KCNMA1: variants seen among roughly 807,000 people sequenced by gnomAD.
KCNMA1 encodes potassium calcium-activated channel subfamily M alpha 1, also known as Calcium-activated potassium channel subunit alpha-1.
A neutral mutation model predicts 140.0 loss-of-function variants in KCNMA1; 29 were observed. That is an observed-to-expected ratio of 0.21 (90% confidence interval 0.15 to 0.28). The LOEUF (loss-of-function observed/expected upper bound fraction) is 0.28, where lower values mean the gene tolerates loss of function less well. Among genes scored for constraint, KCNMA1 ranks in the 10% least tolerant of loss-of-function variants. KCNMA1 has a pLI of 1.00. For missense variants in KCNMA1, 880 were observed against 1,602.2 expected (o/e 0.55, Z 7.70); for synonymous variants, 612 against 611.9 (o/e 1.00, Z 0.00).
At chr10:77,228,201 G>A (rs1301509741) in intron 3 of KCNMA1, among the ~76,000 whole-genome samples, 2 of 152,134 alleles carry the variant, frequency 1.3e-5, no homozygotes, top group African/African-American at 4.8e-5. Context: ...CTGACCTCAG[G>A]TGATCCACTT....
chr10:77,201,387 G>C (rs1361222565), intron 3 of KCNMA1, among the ~76,000 whole-genome samples: 1 of 152,164 alleles, frequency 6.6e-6, no homozygotes, highest in Non-Finnish European at 1.5e-5. Context: ...CTAACACAGG[G>C]AAAAAGAACC....
intron 1 of KCNMA1, among the ~76,000 whole-genome samples, chr10:77,523,682 C>CT (rs2054433490): frequency 6.6e-6 from 1 of 152,194 alleles, no homozygotes. Context: ...TATGCATATA[C>CT]TTTGTGGTGT....
intron 2 of KCNMA1, among the ~76,000 whole-genome samples, chr10:77,278,824 A>G (rs1228155571): frequency 6.6e-6 from 1 of 152,188 alleles, no homozygotes; most frequent in Non-Finnish European, 1.5e-5. Flanking sequence ...TTCAGCTACT[A>G]TTATCCATCC....
At chr10:77,481,729 C>T (rs575046894) in intron 1 of KCNMA1, among the ~76,000 whole-genome samples, 25 of 147,856 alleles carry the variant, frequency 1.7e-4, no homozygotes, top group Non-Finnish European at 3.3e-4. Context: ...GAGCCGAGAT[C>T]GCACCACTGC....
intron 1 of KCNMA1, among the ~76,000 whole-genome samples, chr10:77,541,510 G>A (rs187354426): frequency 6.6e-6 from 1 of 152,078 alleles, no homozygotes; most frequent in Non-Finnish European, 1.5e-5. Context: ...AGCAGCAGGG[G>A]CAGAAAAAGG....
At chr10:77,120,573 A>G (rs2097572440) in intron 6 of KCNMA1, among the ~76,000 whole-genome samples, 1 of 152,120 alleles carries the variant, frequency 6.6e-6, no homozygotes, top group Admixed American at 6.5e-5. Context: ...TTTCTTATTT[A>G]GTGATGTAAT....
intron 20 of KCNMA1, among the ~76,000 whole-genome samples, chr10:76,968,325 C>T (rs1345358203): frequency 6.6e-6 from 1 of 152,018 alleles, no homozygotes; most frequent in Non-Finnish European, 1.5e-5. Context: ...AAAGAAGTAC[C>T]CTTAAGCAGC....
At chr10:77,388,984 A>G (rs2095713705) in intron 2 of KCNMA1, among the ~76,000 whole-genome samples, 1 of 152,236 alleles carries the variant, frequency 6.6e-6, no homozygotes, top group Non-Finnish European at 1.5e-5. Context: ...CAAACTAGGC[A>G]CAAGGGCAGA....
At chr10:77,366,460 C>T (rs1008506709) in intron 2 of KCNMA1, among the ~76,000 whole-genome samples, 2 of 152,204 alleles carry the variant, frequency 1.3e-5, no homozygotes, top group African/African-American at 4.8e-5. Context: ...TGAGCCACCA[C>T]GCCCGGCCAC....
In KCNMA1 at chr10:76,944,998, A is replaced by G. The variant is rs938854357; in HGVS notation, c.2710-33T>C. 5 of 1,567,008 alleles carry G rather than the reference A, an allele frequency of 3.2e-6. No homozygotes were observed. In the African/African-American group the frequency reaches 6.8e-5, roughly 21 times the overall value. Reference sequence around the variant, plus strand: ...ATAGAGGAAAGAAAAAAAAACAGAGATGGGGGGAGAAAGAGACAGAGAGAG... The same window carrying G: ...ATAGAGGAAAGAAAAAAAAACAGAGGTGGGGGGAGAAAGAGACAGAGAGAG... On this transcript the variant is annotated intron_variant, in intron 22 of 27. Transcript: ENST00000286628.
chr10:77,270,534 T>G (rs1376210878), intron 2 of KCNMA1, among the ~76,000 whole-genome samples: 1 of 151,682 alleles, frequency 6.6e-6, no homozygotes, highest in Admixed American at 6.6e-5. Flanking sequence ...CTCTTTCTTT[T>G]TTTTTTTTCC....
chr10:77,581,377 C>T (rs897255743), intron 1 of KCNMA1, among the ~76,000 whole-genome samples: 4 of 151,752 alleles, frequency 2.6e-5, no homozygotes, highest in African/African-American at 9.7e-5. Flanking sequence ...GGCGTGATCT[C>T]GGCTCACTGT....
At chr10:77,352,315 A>C (rs1169697361) in intron 2 of KCNMA1, among the ~76,000 whole-genome samples, 1 of 152,208 alleles carries the variant, frequency 6.6e-6, no homozygotes, top group African/African-American at 2.4e-5. Flanking sequence ...TAAGAGGACT[A>C]CTTCACATCT....
chr10:77,588,702 C>A (rs954994069), intron 1 of KCNMA1, among the ~76,000 whole-genome samples: 1 of 152,248 alleles, frequency 6.6e-6, no homozygotes, highest in South Asian at 2.1e-4. Context: ...ATAATATTAT[C>A]TTCTTTCTGT....
chr10:76,971,802 G>A (rs2076158789), intron 19 of KCNMA1, among the ~76,000 whole-genome samples: 2 of 152,050 alleles, frequency 1.3e-5, no homozygotes, highest in South Asian at 4.2e-4. Flanking sequence ...AAGATTAAAG[G>A]AAATAAATAC....
chr10:77,334,920 T>C (rs1351997514), intron 2 of KCNMA1, among the ~76,000 whole-genome samples: 5 of 152,216 alleles, frequency 3.3e-5, no homozygotes, highest in Non-Finnish European at 7.3e-5. Context: ...TTATTTTTCT[T>C]ACTTAGTTTT....
intron 3 of KCNMA1, among the ~76,000 whole-genome samples, chr10:77,221,401 T>A (rs571423126): frequency 6.6e-6 from 1 of 152,206 alleles, no homozygotes; most frequent in African/African-American, 2.4e-5. Context: ...CTAGCTGAAA[T>A]TATATGCAAA....
Position 77,637,740 on chromosome 10 carries a change from T to TGCCGCCGCC in KCNMA1, c.-107_-99dup, listed in dbSNP as rs781056387. The TGCCGCCGCC allele has an allele frequency of 5.4e-6, 7 of 1,300,620 alleles. No homozygotes were observed. The highest frequency in any genetic ancestry group is 4.2e-5 in the Admixed American group (1 of 23,814). The allele number at this position is 1,300,620 out of a possible 1,614,324, so 80.6% of individuals were successfully genotyped here. A position where few individuals can be genotyped will look rare whatever the true frequency, so the allele number is the denominator to read the frequency against. On this transcript the variant is annotated 5_prime_UTR_variant, in exon 1 of 28. Transcript: ENST00000286628. ...TCAACAGCCATATTGCTGCTACTGC[T>TGCCGCCGCC]GCCGCCGCCGCCGCCGCCGCGGAGC...
At chr10:77,472,556 A>G (rs1343571144) in intron 1 of KCNMA1, among the ~76,000 whole-genome samples, 2 of 152,232 alleles carry the variant, frequency 1.3e-5, no homozygotes, top group Non-Finnish European at 2.9e-5. Flanking sequence ...AAAAAATAAA[A>G]AGAGAGAGAA....
Sources: gnomAD v4.1 joint callset for allele counts (sites outside exome capture counted in the v4.1 genomes callset) on GRCh38, gnomAD v4.1.1 for gene constraint, MANE v1.5 for transcripts, NCBI Gene and HGNC (gene_info 2026-07-23, HGNC 2026-07-21) for gene names.